The following MCF2L2 variants were observed in gnomAD, a reference collection of about 807,000 sequenced individuals.
MCF2L2 encodes probable guanine nucleotide exchange factor MCF2L2.
In MCF2L2, 102 loss-of-function variants were observed where a neutral mutation model predicts 150.2. The ratio of observed to expected loss-of-function variants is 0.68; its 90% CI spans 0.58 to 0.80. The LOEUF (loss-of-function observed/expected upper bound fraction) is 0.80. MCF2L2 is among the 30% of genes least tolerant of loss of function. MCF2L2 has a pLI of 0.00. For synonymous variants in MCF2L2, 465 were observed against 491.3 expected (o/e 0.95, Z 0.71); for missense variants, 1,256 against 1,372.8 (o/e 0.91, Z 1.34).
At chr3:183,311,968 C>T (rs528072218) in intron 7 of MCF2L2, among the ~76,000 whole-genome samples, 196 bp from the exon 8 acceptor site, 1 of 152,168 alleles carries the variant, frequency 6.6e-6, no homozygotes, top group Admixed American at 6.5e-5. Flanking sequence ...TCAAAATATC[C>T]GAAAGGGTAT....
At chr3:183,208,678 A>T (rs2108649166) in intron 22 of MCF2L2, among the ~76,000 whole-genome samples, 1 of 152,366 alleles carries the variant, frequency 6.6e-6, no homozygotes, top group South Asian at 2.1e-4. Context: ...GAATAAAAAC[A>T]CCAAAAGGAA....
At chr3:183,321,450 A>AG (rs901528627) in intron 6 of MCF2L2, among the ~76,000 whole-genome samples, 4 of 151,796 alleles carry the variant, frequency 2.6e-5, no homozygotes, top group South Asian at 2.1e-4. Flanking sequence ...AAAAAAAAAA[A>AG]AAAGAAAGAA....
At chr3:183,326,298 C>G (rs1730022304) in intron 5 of MCF2L2, among the ~76,000 whole-genome samples, 1 of 151,912 alleles carries the variant, frequency 6.6e-6, no homozygotes, top group Non-Finnish European at 1.5e-5. Context: ...TCGAGACTAG[C>G]CTGGCCAACA....
chr3:183,194,094 C>T (rs887677268), intron 26 of MCF2L2, among the ~76,000 whole-genome samples: 1 of 151,836 alleles, frequency 6.6e-6, no homozygotes, highest in African/African-American at 2.4e-5. Flanking sequence ...TAGAGTACTC[C>T]GTAAGAGTGT....
At chr3:183,223,473 A>T (rs1056245770) in intron 19 of MCF2L2, 35 bp from the exon 20 acceptor site, 1 of 1,458,242 alleles carries the variant, frequency 6.9e-7, no homozygotes, top group African/African-American at 1.4e-5. Context: ...ATAAAGCAAA[A>T]CAAACAACAC....
chr3:183,181,964 T>C lies in MCF2L2; in HGVS notation c.3017-1805A>G, dbSNP rs1428708853. ...AATGATTAGTTGGTTCCAGCCCCTC[T>C]GCAGGGTAAGTGGCACCTGGGGTAA... On this transcript the variant is annotated intron_variant, in intron 27 of 29. Transcript: ENST00000328913. The surrounding 1 kb of genome is among the most constrained non-coding windows in gnomAD (Gnocchi z 4.3). Among the ~76,000 whole-genome samples, 2 of 152,116 alleles carry C rather than the reference T, an allele frequency of 1.3e-5. No individual in the cohort carries two copies. The highest frequency in any genetic ancestry group is 2.9e-5 in the Non-Finnish European group (2 of 67,980).
rs1394057328 is a variant in MCF2L2 at position 183,300,169 on chromosome 3, C to T, written c.1141G>A (p.Ala381Thr). 3.1e-6 allele frequency: 5 copies of T among 1,608,332 alleles called. No homozygotes were observed. The highest frequency in any genetic ancestry group is 2.2e-5 in the East Asian group (1 of 44,796). ...QEPLEKAQLL[A>T]LVGDQLIQSH... ...TGGATGAGCTGGTCCCCAACCAGTG[C>T]CAGCAGCTGGGCCTTTTCCAGGGGC... The change falls in exon 11 of 30, where the codon GCA (alanine) becomes ACA (threonine). Residue 381 changes from alanine (A) to threonine (T), a missense_variant. Coordinates refer to ENST00000328913, the MANE Select transcript of MCF2L2 (RefSeq NM_015078.4).
chr3:183,187,997 G>A (rs1190813191), intron 27 of MCF2L2, among the ~76,000 whole-genome samples: 1 of 152,224 alleles, frequency 6.6e-6, no homozygotes, highest in African/African-American at 2.4e-5. Flanking sequence ...GTCGTGGTGA[G>A]GAGGTAGGGC....
chr3:183,334,141 G>GTTTCA (rs1491492515), intron 5 of MCF2L2, among the ~76,000 whole-genome samples: 3 of 152,084 alleles, frequency 2.0e-5, no homozygotes, highest in Admixed American at 1.3e-4. Flanking sequence ...TAGGTGAGAA[G>GTTTCA]GGAAAGCTCT....
At chr3:183,310,313 TAACACAGTGA>T (rs1729305744) in intron 9 of MCF2L2, among the ~76,000 whole-genome samples, 2 of 152,072 alleles carry the variant, frequency 1.3e-5, no homozygotes, top group Non-Finnish European at 2.9e-5. Flanking sequence ...CCATCCTGGC[TAACACAGTGA>T]AACCCCATCT....
Position 183,178,540 on chromosome 3 carries a change from A to G in MCF2L2, c.*840T>C, listed in dbSNP as rs1721393127. On this transcript the variant is annotated 3_prime_UTR_variant, in exon 30 of 30. Transcript: ENST00000328913. ...TGAACATCTGTAACTCCTAAAACAA[A>G]ACAACTACATATAAATAACTGAAAA... is the stretch of plus-strand genomic sequence containing the variant. 1 of 152,130 alleles carries G rather than the reference A, an allele frequency of 6.6e-6. No homozygotes were observed. Among genetic ancestry groups the G allele is most frequent in the Non-Finnish European group, 1.5e-5 (1 of 68,030 alleles). The allele number at this position is 152,130 out of a possible 1,614,324, so 9.4% of individuals were successfully genotyped here.
At chr3:183,356,687 A>C (rs1012675006) in intron 3 of MCF2L2, among the ~76,000 whole-genome samples, 2 of 152,208 alleles carry the variant, frequency 1.3e-5, no homozygotes, top group East Asian at 3.8e-4. Context: ...AGGAAATCCA[A>C]GTCAGATAAT....
intron 1 of MCF2L2, among the ~76,000 whole-genome samples, chr3:183,419,517 T>G (rs1488596598): frequency 6.6e-6 from 1 of 152,230 alleles, no homozygotes; most frequent in African/African-American, 2.4e-5. Context: ...AAACATAAAT[T>G]CCAATTTCAA....
At chr3:183,362,926 C>T (rs547478697) in intron 3 of MCF2L2, among the ~76,000 whole-genome samples, 1 of 152,140 alleles carries the variant, frequency 6.6e-6, no homozygotes, top group Non-Finnish European at 1.5e-5. Flanking sequence ...CTAAAATATA[C>T]AAAGAACTGT....
At position 183,379,322 on chromosome 3, in the gene MCF2L2, T is replaced by C. The variant is rs752123815; in HGVS notation, c.250A>G (p.Met84Val). The C allele has an allele frequency of 2.3e-5, 37 of 1,611,338 alleles. No individual in the cohort carries two copies. The highest frequency in any genetic ancestry group is 3.1e-5 in the Non-Finnish European group (36 of 1,178,876). ...CTGGGGATGCTAGTCAGGTAGGTCATGACATTCAGGAAGTCTTCATCTGGG... is the reference window on the plus strand; with the variant it reads ...CTGGGGATGCTAGTCAGGTAGGTCACGACATTCAGGAAGTCTTCATCTGGG... ...HIPDEDFLNV[M>V]TYLTSIPSVE... Residue 84 changes from methionine (M) to valine (V), a missense_variant, in exon 3 of 30, where the codon ATG becomes GTG. Physicochemically the swap from Met to Val is conservative, Grantham distance 21. Coordinates refer to ENST00000328913, the MANE Select transcript of MCF2L2 (RefSeq NM_015078.4).
chr3:183,311,687 A>T lies in MCF2L2; in HGVS notation c.839T>A (p.Leu280His). 6.2e-7 allele frequency: 1 copy of T among 1,614,082 alleles called. No homozygotes were observed. Among genetic ancestry groups the T allele is most frequent in the Non-Finnish European group, 8.5e-7 (1 of 1,179,984 alleles). Residue 280 changes from leucine to histidine, a missense_variant, in exon 8 of 30, where the codon CTC becomes CAC. By Grantham distance (99) the Leu-to-His change is moderately conservative (BLOSUM62 -3). Transcript: ENST00000328913. ...TACATTCTCAAGTTGGTTGAGATTGAGTTTGCTGTTGGGACATTTGGTTGC... is the reference window on the plus strand; with the variant it reads ...TACATTCTCAAGTTGGTTGAGATTGTGTTTGCTGTTGGGACATTTGGTTGC... ...EPATKCPNSK[L>H]NLNQLENVTT... is the part of the protein sequence containing the mutation.
intron 1 of MCF2L2, among the ~76,000 whole-genome samples, chr3:183,396,232 A>G (rs1266882841): frequency 6.6e-6 from 1 of 151,992 alleles, no homozygotes; most frequent in Non-Finnish European, 1.5e-5. Flanking sequence ...ACCGCATCCA[A>G]ATGCTAGGGT....
chr3:183,362,962 C>T (rs1317661708), intron 3 of MCF2L2, among the ~76,000 whole-genome samples: 2 of 151,978 alleles, frequency 1.3e-5, no homozygotes, highest in African/African-American at 4.8e-5. Context: ...AGAAAATGAA[C>T]AACCCAATTT....
chr3:183,315,558 A>G (rs1729570957), intron 7 of MCF2L2, among the ~76,000 whole-genome samples: 1 of 152,218 alleles, frequency 6.6e-6, no homozygotes, highest in Non-Finnish European at 1.5e-5. Flanking sequence ...ACTTCTAACT[A>G]TGTGGCCTCC....
Sources: allele counts gnomAD v4.1 joint callset (sites outside exome capture counted in the v4.1 genomes callset), GRCh38; gene constraint gnomAD v4.1.1; non-coding constraint Gnocchi (gnomAD v3.1); transcripts MANE v1.5; gene names NCBI Gene and HGNC (gene_info 2026-07-23, HGNC 2026-07-21).